The following LARGE1 variants were observed in gnomAD, a reference collection of about 807,000 sequenced individuals.
The protein encoded by LARGE1 is LARGE xylosyl- and glucuronyltransferase 1.
In LARGE1, 43 loss-of-function variants were observed where a neutral mutation model predicts 87.6. That is an observed-to-expected ratio of 0.49 (90% CI 0.38 to 0.63). The LOEUF (loss-of-function observed/expected upper bound fraction) is 0.63, where lower values mean the gene tolerates loss of function less well. LARGE1 is among the 30% of genes least tolerant of loss of function. The pLI is 0.00. For missense variants in LARGE1, 802 were observed against 1,000.2 expected, an observed-to-expected ratio of 0.80 and a Z score of 2.67; for synonymous variants, 434 against 394.6, an observed-to-expected ratio of 1.10 and a Z score of -1.18.
At chr22:33,089,400 TTTC>T in the LARGE1 span, among the ~76,000 whole-genome samples, 1,115 of 128,536 alleles carry the variant, frequency 8.7e-3, 22 homozygotes, top group African/African-American at 0.032. Context: ...CTTCTTCTTC[TTTC>T]TTCTTCTTCT....
intron 6 of LARGE1, among the ~76,000 whole-genome samples, chr22:33,455,622 T>C (rs992860275): frequency 1.3e-5 from 2 of 151,612 alleles, no homozygotes; most frequent in Admixed American, 6.6e-5. Context: ...GGCATGGTGG[T>C]GTGTGCCCGT....
chr22:33,195,561 A>T (rs1305622198), intron 11 of LARGE1, among the ~76,000 whole-genome samples: 1 of 152,058 alleles, frequency 6.6e-6, no homozygotes, highest in Non-Finnish European at 1.5e-5. Flanking sequence ...ACATTAAATT[A>T]TAGATTTACA....
chr22:33,881,263 A>G (rs1267681953), intron 1 of LARGE1, among the ~76,000 whole-genome samples: 1 of 152,140 alleles, frequency 6.6e-6, no homozygotes, highest in Admixed American at 6.5e-5. Flanking sequence ...GTCCAGCTCA[A>G]CAAGCAACTT....
At chr22:33,451,598 C>T (rs1006163779) in intron 6 of LARGE1, among the ~76,000 whole-genome samples, 7 of 147,812 alleles carry the variant, frequency 4.7e-5, no homozygotes, top group Middle Eastern at 3.6e-3. Flanking sequence ...CTCGCTATGT[C>T]GCCAGGCTGG....
the LARGE1 span, among the ~76,000 whole-genome samples, chr22:33,079,738 T>G: frequency 1.3e-5 from 2 of 152,174 alleles, no homozygotes; most frequent in Non-Finnish European, 2.9e-5. Flanking sequence ...GAGTTGTCCA[T>G]TCTGCTTAGA....
chr22:33,806,101 C>T (rs2086300280), intron 1 of LARGE1, among the ~76,000 whole-genome samples: 1 of 152,192 alleles, frequency 6.6e-6, no homozygotes, highest in South Asian at 2.1e-4. Context: ...GCCCTTTCTC[C>T]CTCCCTCCCA....
At chr22:33,067,470 CCT>C in the LARGE1 span, among the ~76,000 whole-genome samples, 3 of 152,240 alleles carry the variant, frequency 2.0e-5, no homozygotes, top group African/African-American at 7.2e-5. Context: ...TGTGCACCAG[CCT>C]CTCTGCTAAG....
intron 11 of LARGE1, among the ~76,000 whole-genome samples, chr22:33,256,964 G>A (rs980045622): frequency 2.6e-5 from 4 of 152,170 alleles, no homozygotes; most frequent in Admixed American, 6.5e-5. Flanking sequence ...CCAGCACTTC[G>A]GGAGGCCAAG....
intron 2 of LARGE1, among the ~76,000 whole-genome samples, chr22:33,692,085 T>C (rs972335438): frequency 5.9e-5 from 9 of 152,062 alleles, no homozygotes; most frequent in Admixed American, 2.6e-4. Context: ...TAATTAAAAA[T>C]TAAAATTTAT....
At chr22:33,245,076 G>C (rs1249826620) in intron 11 of LARGE1, among the ~76,000 whole-genome samples, 1 of 152,104 alleles carries the variant, frequency 6.6e-6, no homozygotes, top group Non-Finnish European at 1.5e-5. Flanking sequence ...GAGAACTGAG[G>C]GTCCTGGGAA....
At chr22:33,445,371 TAGAG>T (rs2067644384) in intron 6 of LARGE1, among the ~76,000 whole-genome samples, 1 of 152,112 alleles carries the variant, frequency 6.6e-6, no homozygotes, top group African/African-American at 2.4e-5. Flanking sequence ...ATGGCTGAGA[TAGAG>T]AGGTCCAGAA....
chr22:33,637,803 T>A (rs568211651), intron 3 of LARGE1, among the ~76,000 whole-genome samples: 1 of 152,162 alleles, frequency 6.6e-6, no homozygotes, highest in Non-Finnish European at 1.5e-5. Flanking sequence ...AGAGTCATAA[T>A]CCCCAACCAA....
chr22:33,872,804 C>A (rs2064337120), intron 1 of LARGE1, among the ~76,000 whole-genome samples: 1 of 152,048 alleles, frequency 6.6e-6, no homozygotes, highest in African/African-American at 2.4e-5. Flanking sequence ...TCGAGACCAG[C>A]CTGGCCAACA....
the LARGE1 span, among the ~76,000 whole-genome samples, chr22:33,124,270 T>C: frequency 8.0e-5 from 12 of 149,990 alleles, no homozygotes; most frequent in Admixed American, 8.1e-4. Flanking sequence ...ACCACTGCAC[T>C]CCAGACTAGG....
intron 3 of LARGE1, among the ~76,000 whole-genome samples, chr22:33,637,530 C>T (rs895762250): frequency 3.9e-5 from 6 of 152,030 alleles, no homozygotes; most frequent in South Asian, 2.1e-4. Context: ...GCTGTATGAC[C>T]AATGGAATTC....
At chr22:33,597,474 G>A (rs545357712) in intron 5 of LARGE1, among the ~76,000 whole-genome samples, 1 of 152,190 alleles carries the variant, frequency 6.6e-6, no homozygotes, top group East Asian at 1.9e-4. Context: ...GCCTCCTAAA[G>A]GACGGCAGGG....
chr22:33,772,516 G>A (rs2085102294), intron 1 of LARGE1, among the ~76,000 whole-genome samples: 1 of 151,776 alleles, frequency 6.6e-6, no homozygotes, highest in Non-Finnish European at 1.5e-5. Flanking sequence ...TTGCAAGTGT[G>A]CTCCCTGTGC....
intron 7 of LARGE1, among the ~76,000 whole-genome samples, chr22:33,401,943 C>A (rs928232749): frequency 6.6e-6 from 1 of 152,210 alleles, no homozygotes; most frequent in Non-Finnish European, 1.5e-5. Context: ...GCCCCAGCAT[C>A]CCTTGCTGAT....
At chr22:33,206,041 G>A (rs768560155) in intron 11 of LARGE1, among the ~76,000 whole-genome samples, 2 of 142,050 alleles carry the variant, frequency 1.4e-5, no homozygotes, top group Non-Finnish European at 1.5e-5. Context: ...TGCAAGCTCC[G>A]CCTCCCCGGT....
Sources: allele counts gnomAD v4.1 joint callset (sites outside exome capture counted in the v4.1 genomes callset), GRCh38; gene constraint gnomAD v4.1.1; transcripts MANE v1.5; gene names NCBI Gene and HGNC (gene_info 2026-07-23, HGNC 2026-07-21).